The following RBP7 variants were observed in gnomAD, a reference collection of about 807,000 sequenced individuals.
RBP7 encodes the protein retinol binding protein 7.
RBP7 carries 13 observed loss-of-function variants against 16.7 expected under a neutral mutation model. The observed-to-expected ratio is 0.78, with a 90% confidence interval of 0.51 to 1.24. The LOEUF is 1.24. Among genes scored for constraint, RBP7 ranks in the 50% most tolerant of loss-of-function variants. RBP7 has a pLI of 0.00. For missense variants in RBP7, 145 were observed against 159.5 expected, an observed-to-expected ratio of 0.91 and a Z score of 0.49; for synonymous variants, 54 against 56.2, an observed-to-expected ratio of 0.96 and a Z score of 0.17.
chr1:10,005,931 G>A (rs923229067), intron 1 of RBP7, among the ~76,000 whole-genome samples: 13 of 152,016 alleles, frequency 8.6e-5, no homozygotes, highest in African/African-American at 2.9e-4. Flanking sequence ...AGATACACTA[G>A]GCTCCTCAGA....
intron 3 of RBP7, 63 bp from the exon 4 acceptor site, chr1:10,015,719 T>G: frequency 1.1e-5 from 15 of 1,366,422 alleles, no homozygotes; most frequent in East Asian, 2.3e-5. Context: ...AAATAAGTGT[T>G]GAGAGTAAAA....
In RBP7 at chr1:10,007,109, G is replaced by A. The variant is rs113964202; in HGVS notation, c.74-461G>A. On this transcript the variant is annotated intron_variant, in intron 1 of 3. Coordinates refer to ENST00000294435, the MANE Select transcript of RBP7 (RefSeq NM_052960.3). ...TTACAGGTATGTGCCACCATGCCCG[G>A]CTAATTTTGTATTTTTAGTAGAGAT... The A allele has an allele frequency of 3.8e-3, 1,253 of 327,380 alleles. 17 individuals are homozygous for A. The highest frequency in any genetic ancestry group is 0.027 in the African/African-American group (1,191 of 43,982). 20.3% of individuals were successfully genotyped at this position (327,380 alleles called of 1,614,324 possible). A position where few individuals can be genotyped will look rare whatever the true frequency, so the allele number is the denominator to read the frequency against.
intron 1 of RBP7, among the ~76,000 whole-genome samples, chr1:10,005,722 C>A (rs1033426097): frequency 1.3e-5 from 2 of 151,880 alleles, no homozygotes; most frequent in Non-Finnish European, 2.9e-5. Flanking sequence ...CACCACCATG[C>A]CCAGCTAATT....
At chr1:9,998,228 G>A (rs1642207624) in intron 1 of RBP7, among the ~76,000 whole-genome samples, 1 of 152,064 alleles carries the variant, frequency 6.6e-6, no homozygotes, top group African/African-American at 2.4e-5. Flanking sequence ...CTGACCTCAG[G>A]TGATCCACCC....
intron 1 of RBP7, among the ~76,000 whole-genome samples, chr1:10,005,427 C>T (rs960569682): frequency 6.6e-6 from 1 of 152,026 alleles, no homozygotes; most frequent in African/African-American, 2.4e-5. Flanking sequence ...GTCTTGAACT[C>T]CTGGGCTCAA....
chr1:10,001,031 G>T (rs1352320302), intron 1 of RBP7, among the ~76,000 whole-genome samples: 2 of 152,162 alleles, frequency 1.3e-5, no homozygotes, highest in East Asian at 3.8e-4. Flanking sequence ...ACCGTGCCTG[G>T]CTGATTGCCT....
intron 3 of RBP7, among the ~76,000 whole-genome samples, chr1:10,010,489 C>A (rs1642584223): frequency 6.6e-6 from 1 of 151,836 alleles, no homozygotes; most frequent in Admixed American, 6.6e-5. Context: ...CAATCTCGGC[C>A]CCCTGCAACC....
At chr1:9,999,322 G>A (rs1010766906) in intron 1 of RBP7, among the ~76,000 whole-genome samples, 3 of 152,082 alleles carry the variant, frequency 2.0e-5, no homozygotes, top group African/African-American at 7.2e-5. Flanking sequence ...TGAGGCGGGT[G>A]GATCAACTGA....
In RBP7 at chr1:9,997,821, G is replaced by T. The variant is rs1642200545; in HGVS notation, c.73+490G>T. ...GCCCCGGGGCCCCGGGCGCGCTCCC[G>T]CAGCGAAGTCCCAGCAGCCTCGGCG... On this transcript the variant is annotated intron_variant, in intron 1 of 3. Coordinates refer to ENST00000294435, the MANE Select transcript of RBP7 (RefSeq NM_052960.3). The surrounding 1 kb of genome is among the most constrained non-coding windows in gnomAD (Gnocchi z 5.9). 6.6e-6 allele frequency among the ~76,000 whole-genome samples: 1 copy of T among 151,930 alleles called. No individual in the cohort carries two copies. The highest frequency in any genetic ancestry group is 1.5e-5 in the Non-Finnish European group (1 of 67,954).
At chr1:10,012,010 T>C (rs1186918072) in intron 3 of RBP7, among the ~76,000 whole-genome samples, 1 of 151,934 alleles carries the variant, frequency 6.6e-6, no homozygotes, top group East Asian at 1.9e-4. Context: ...GAGACCAGCC[T>C]GACCAACATG....
chr1:10,007,454 A>G, intron 1 of RBP7, 116 bp from the exon 2 acceptor site: 2 of 780,126 alleles, frequency 2.6e-6, no homozygotes, highest in Non-Finnish European at 4.1e-6. Flanking sequence ...CAAACAACAT[A>G]GAAGTCGTAC....
At chr1:10,012,080 G>A (rs896308417) in intron 3 of RBP7, among the ~76,000 whole-genome samples, 3 of 151,860 alleles carry the variant, frequency 2.0e-5, no homozygotes, top group Non-Finnish European at 2.9e-5. Flanking sequence ...GAGTGGTGGC[G>A]CATGCCTCTA....
intron 1 of RBP7, among the ~76,000 whole-genome samples, chr1:10,005,048 A>G (rs1400320437): frequency 6.6e-6 from 1 of 152,162 alleles, no homozygotes; most frequent in African/African-American, 2.4e-5. Context: ...ATACTTAAAT[A>G]TTTAAATATT....
chr1:10,006,726 C>CGTGTGT (rs139188536), intron 1 of RBP7, among the ~76,000 whole-genome samples: 26 of 129,490 alleles, frequency 2.0e-4, no homozygotes, highest in Non-Finnish European at 2.9e-4. Context: ...AAAGTATATA[C>CGTGTGT]GTGTGTGTGT....
At chr1:10,010,502 C>T (rs1324886079) in intron 3 of RBP7, among the ~76,000 whole-genome samples, 3 of 151,776 alleles carry the variant, frequency 2.0e-5, no homozygotes, top group Middle Eastern at 3.2e-3. Context: ...CTGCAACCTC[C>T]ACCTCCTGGG....
At chr1:10,006,806 T>C (rs1045315059) in intron 1 of RBP7, among the ~76,000 whole-genome samples, 3 of 151,410 alleles carry the variant, frequency 2.0e-5, no homozygotes, top group African/African-American at 7.3e-5. Context: ...AATCCAGTGG[T>C]TTTTGAGTTT....
At chr1:10,004,836 T>C (rs2101734516) in intron 1 of RBP7, among the ~76,000 whole-genome samples, 2 of 151,914 alleles carry the variant, frequency 1.3e-5, no homozygotes, top group East Asian at 3.9e-4. Flanking sequence ...CAAAGAAAAA[T>C]TCAAAAATTA....
At chr1:10,006,304 C>T (rs973552483) in intron 1 of RBP7, among the ~76,000 whole-genome samples, 2 of 151,940 alleles carry the variant, frequency 1.3e-5, no homozygotes, top group South Asian at 2.1e-4. Flanking sequence ...CCCAAGAGTT[C>T]GAGACCAACC....
intron 1 of RBP7, among the ~76,000 whole-genome samples, chr1:10,002,554 T>A (rs1432046208): frequency 6.6e-6 from 1 of 151,888 alleles, no homozygotes; most frequent in African/African-American, 2.4e-5. Flanking sequence ...GGCTGGAGTG[T>A]AGTGGCACCA....
Sources: gnomAD v4.1 joint callset for allele counts (sites outside exome capture counted in the v4.1 genomes callset) on GRCh38, gnomAD v4.1.1 for gene constraint, Gnocchi (gnomAD v3.1) non-coding constraint, MANE v1.5 for transcripts, NCBI Gene and HGNC (gene_info 2026-07-23, HGNC 2026-07-21) for gene names.